The following ERC1 variants were observed in gnomAD, a reference collection of about 807,000 sequenced individuals.
The protein encoded by ERC1 is ELKS/RAB6-interacting/CAST family member 1, also known as RAB6 interacting protein 2.
Under a neutral mutation model 132.0 loss-of-function variants are expected in ERC1, and 56 were observed. That is an observed-to-expected ratio of 0.42 (90% CI 0.34 to 0.53). The LOEUF is 0.53. Among genes scored for constraint, ERC1 ranks in the 20% least tolerant of loss-of-function variants. ERC1 has a pLI of 0.03. For missense variants in ERC1, 1,202 were observed against 1,349.9 expected, an observed-to-expected ratio of 0.89 and a Z score of 1.72; for synonymous variants, 478 against 476.1, an observed-to-expected ratio of 1.00 and a Z score of -0.05.
chr12:1,164,518 T>A (rs1285840099), intron 8 of ERC1, among the ~76,000 whole-genome samples: 1 of 16,632 alleles, frequency 6.0e-5, no homozygotes, highest in African/African-American at 2.8e-4. Flanking sequence ...ATTTTTTGTA[T>A]TTTTAGTAGA....
chr12:1,413,552 C>T (rs2091956963), intron 17 of ERC1, among the ~76,000 whole-genome samples: 1 of 151,986 alleles, frequency 6.6e-6, no homozygotes, highest in Non-Finnish European at 1.5e-5. Context: ...CAAGATCGCA[C>T]CACTGCACTG....
chr12:1,429,759 G>A (rs2092738595), intron 17 of ERC1, among the ~76,000 whole-genome samples: 2 of 152,202 alleles, frequency 1.3e-5, no homozygotes, highest in Admixed American at 6.5e-5. Flanking sequence ...AGGAGCAGTA[G>A]GCATTTGCCA....
intron 15 of ERC1, among the ~76,000 whole-genome samples, chr12:1,304,476 C>A (rs1283388179): frequency 6.6e-6 from 1 of 152,192 alleles, no homozygotes; most frequent in Admixed American, 6.5e-5. Flanking sequence ...TAATCAGCAC[C>A]TACCTCTGAG....
intron 8 of ERC1, among the ~76,000 whole-genome samples, chr12:1,178,109 A>G (rs1306804757): frequency 6.6e-6 from 1 of 152,238 alleles, no homozygotes; most frequent in East Asian, 1.9e-4. Flanking sequence ...AAGCTTCAGC[A>G]TATTCACATA....
At chr12:1,426,809 G>A (rs114693277) in intron 17 of ERC1, among the ~76,000 whole-genome samples, 1,776 of 152,124 alleles carry the variant, frequency 0.012, 24 homozygotes, top group African/African-American at 0.032. Flanking sequence ...TCAATGTGTC[G>A]TTCTTTTTTT....
At chr12:1,309,582 A>C (rs1370765265) in intron 15 of ERC1, among the ~76,000 whole-genome samples, 1 of 152,098 alleles carries the variant, frequency 6.6e-6, no homozygotes, top group East Asian at 1.9e-4. Context: ...CCCCAATAAG[A>C]AAAGTATTCT....
chr12:1,092,162 C>G (rs1943321199), intron 3 of ERC1, among the ~76,000 whole-genome samples: 1 of 152,178 alleles, frequency 6.6e-6, no homozygotes, highest in Admixed American at 6.5e-5. Flanking sequence ...CCAGGCCCAG[C>G]TAATTTTTCT....
chr12:1,277,426 C>G (rs756533212), intron 14 of ERC1, among the ~76,000 whole-genome samples: 2 of 152,130 alleles, frequency 1.3e-5, no homozygotes, highest in African/African-American at 2.4e-5. Context: ...TCATCTTTCC[C>G]GGACTTGGAA....
intron 2 of ERC1, among the ~76,000 whole-genome samples, chr12:1,030,952 T>C (rs1214608248): frequency 2.0e-5 from 3 of 152,184 alleles, no homozygotes; most frequent in African/African-American, 4.8e-5. Flanking sequence ...TGATGATCTT[T>C]GCACAGTGAT....
chr12:1,480,303 G>A (rs1480382884), intron 18 of ERC1, among the ~76,000 whole-genome samples: 1 of 152,106 alleles, frequency 6.6e-6, no homozygotes, highest in Non-Finnish European at 1.5e-5. Context: ...TCGATGTTTT[G>A]TTATTGTTTG....
At chr12:1,440,823 T>C (rs80118524) in intron 17 of ERC1, among the ~76,000 whole-genome samples, 3,390 of 151,844 alleles carry the variant, frequency 0.022, 117 homozygotes, top group African/African-American at 0.077. Flanking sequence ...TTTTCATATT[T>C]TTAGTAGAGA....
intron 1 of ERC1, among the ~76,000 whole-genome samples, chr12:1,007,540 C>CTCTCTCTCTCTCTCTCTCTCTCTGTGTG (rs1555194875): frequency 1.5e-4 from 19 of 122,776 alleles, no homozygotes; most frequent in African/African-American, 7.2e-4. Context: ...CTCTCTCTCT[C>CTCTCTCTCTCTCTCTCTCTCTCTGTGTG]TGTGTGTGTG....
At chr12:1,215,869 T>C (rs932591721) in intron 12 of ERC1, among the ~76,000 whole-genome samples, 1 of 151,118 alleles carries the variant, frequency 6.6e-6, no homozygotes, top group African/African-American at 2.5e-5. Flanking sequence ...TAAGGGAATA[T>C]GGATTTTATT....
intron 15 of ERC1, among the ~76,000 whole-genome samples, chr12:1,305,403 T>C (rs1480348963): frequency 1.3e-5 from 2 of 152,208 alleles, no homozygotes; most frequent in Non-Finnish European, 2.9e-5. Context: ...CCTTTGTGAC[T>C]TTCTTTAACT....
At chr12:1,332,087 C>T (rs1201313494) in intron 15 of ERC1, among the ~76,000 whole-genome samples, 1 of 152,116 alleles carries the variant, frequency 6.6e-6, no homozygotes, top group Admixed American at 6.5e-5. Flanking sequence ...TCTAAAACTT[C>T]TAGTTGTTGG....
chr12:1,333,329 CATTT>C (rs2083033285), intron 15 of ERC1, among the ~76,000 whole-genome samples: 1 of 135,804 alleles, frequency 7.4e-6, no homozygotes, highest in Non-Finnish European at 1.6e-5. Flanking sequence ...ATATGTACCG[CATTT>C]TTTTTTTTTT....
At chr12:1,344,084 C>T (rs946535864) in intron 15 of ERC1, among the ~76,000 whole-genome samples, 2 of 152,058 alleles carry the variant, frequency 1.3e-5, no homozygotes, top group African/African-American at 4.8e-5. Flanking sequence ...CTCGTGATCC[C>T]CCCACTTCGG....
chr12:1,389,184 T>G (rs2089713616), intron 16 of ERC1, among the ~76,000 whole-genome samples: 1 of 152,156 alleles, frequency 6.6e-6, no homozygotes, highest in South Asian at 2.1e-4. Flanking sequence ...AAAGGCCATA[T>G]ATGGAAGAGA....
chr12:1,483,716 G>GTCTTGC (rs1168284754), intron 18 of ERC1, among the ~76,000 whole-genome samples: 2 of 95,448 alleles, frequency 2.1e-5, no homozygotes, highest in African/African-American at 7.9e-5. Context: ...TGGAGACAGA[G>GTCTTGC]TCTTGCTCTG....
Sources: gnomAD v4.1 joint callset for allele counts (sites outside exome capture counted in the v4.1 genomes callset) on GRCh38, gnomAD v4.1.1 for gene constraint, MANE v1.5 for transcripts, NCBI Gene and HGNC (gene_info 2026-07-23, HGNC 2026-07-21) for gene names.